CACNG6: variants seen among roughly 807,000 people sequenced by gnomAD.
CACNG6 encodes voltage-dependent calcium channel gamma-6 subunit.
Under a neutral mutation model 23.9 loss-of-function variants are expected in CACNG6, and 21 were observed. The ratio of observed to expected loss-of-function variants is 0.88; its 90% CI spans 0.62 to 1.26. The LOEUF is 1.26. Among genes scored for constraint, CACNG6 ranks in the 50% most tolerant of loss-of-function variants. The pLI, the probability that CACNG6 is intolerant of heterozygous loss-of-function variation, is 0.00. For missense variants in CACNG6, 340 were observed against 352.9 expected (o/e 0.96, Z 0.29); for synonymous variants, 182 against 168.9 (o/e 1.08, Z -0.60).
At position 54,012,320 on chromosome 19, in the gene CACNG6, C is replaced by T. The variant is rs1193281009; in HGVS notation, c.*131C>T. On this transcript the variant is annotated 3_prime_UTR_variant, in exon 4 of 4. Coordinates refer to ENST00000252729, the MANE Select transcript of CACNG6 (RefSeq NM_145814.2). ...GCTCGGGGGCCCATGTTTTTTTACACGCCTGCCTCCTGTCCCCTTATCCTT... is the reference window on the plus strand; with the variant it reads ...GCTCGGGGGCCCATGTTTTTTTACATGCCTGCCTCCTGTCCCCTTATCCTT... 4 of 480,470 alleles carry T rather than the reference C, an allele frequency of 8.3e-6. No individual in the cohort carries two copies. In the South Asian group the frequency reaches 1.6e-4, roughly 19 times the overall value. The allele number at this position is 480,470 out of a possible 1,614,324, so 29.8% of individuals were successfully genotyped here. A position where few individuals can be genotyped will look rare whatever the true frequency, so the allele number is the denominator to read the frequency against.
In CACNG6 at chr19:53,999,513, A is replaced by G. The variant is rs2069553744; in HGVS notation, c.407-121A>G. On this transcript the variant is annotated intron_variant, in intron 2 of 3. Transcript: ENST00000252729. Reference sequence around the variant, plus strand: ...AAAATGTTGGGCTGGATGATACTCTACTTGAAAATTCTTCTCTCGTCCCGA... The same window carrying G: ...AAAATGTTGGGCTGGATGATACTCTGCTTGAAAATTCTTCTCTCGTCCCGA... 6.3e-6 allele frequency: 7 copies of G among 1,119,458 alleles called. No homozygotes were observed. In the Admixed American group the frequency reaches 1.5e-4, roughly 24 times the overall value. 69.3% of individuals were successfully genotyped at this position (1,119,458 alleles called of 1,614,324 possible). A position where few individuals can be genotyped will look rare whatever the true frequency, so the allele number is the denominator to read the frequency against.
At chr19:53,996,972 G>A (rs1044868476) in intron 1 of CACNG6, among the ~76,000 whole-genome samples, 1 of 150,298 alleles carries the variant, frequency 6.7e-6, no homozygotes, top group South Asian at 2.1e-4. Flanking sequence ...AGGCTGAAGG[G>A]ATCCTCTTGC....
At chr19:54,005,672 G>C (rs287140) in intron 3 of CACNG6, among the ~76,000 whole-genome samples, 17,129 of 151,218 alleles carry the variant, frequency 0.11, 2,272 homozygotes, top group African/African-American at 0.32. Context: ...GGAATCACTT[G>C]AATTCAAGAG....
chr19:53,994,639 A>G (rs1162930225), intron 1 of CACNG6, among the ~76,000 whole-genome samples: 2 of 152,146 alleles, frequency 1.3e-5, no homozygotes, highest in Non-Finnish European at 2.9e-5. Context: ...CGGTCCTATC[A>G]TCCCAGTGCC....
At chr19:54,010,260 C>T (rs1228493245) in intron 3 of CACNG6, among the ~76,000 whole-genome samples, 1 of 151,874 alleles carries the variant, frequency 6.6e-6, no homozygotes, top group Non-Finnish European at 1.5e-5. Flanking sequence ...GTGATCCACC[C>T]GCCTCGGCCT....
At chr19:54,008,231 TAGTCCC>T (rs1164024856) in intron 3 of CACNG6, among the ~76,000 whole-genome samples, 2 of 152,000 alleles carry the variant, frequency 1.3e-5, no homozygotes, top group Non-Finnish European at 2.9e-5. Context: ...CAAGAGCCTG[TAGTCCC>T]AGCTACTCAA....
chr19:54,005,013 C>T lies in CACNG6; in HGVS notation c.544+5242C>T, dbSNP rs563331909. On this transcript the variant is annotated intron_variant, in intron 3 of 3. Coordinates refer to ENST00000252729, the MANE Select transcript of CACNG6 (RefSeq NM_145814.2). Reference sequence around the variant, plus strand: ...GCTCACAAGATCAGGAGTTGGAGACCAGCCTGACTACCATGGTGAAACCCT... The same window carrying T: ...GCTCACAAGATCAGGAGTTGGAGACTAGCCTGACTACCATGGTGAAACCCT... 8.9e-4 allele frequency among the ~76,000 whole-genome samples: 134 copies of T among 150,656 alleles called. 1 individual carries two copies. The highest frequency in any genetic ancestry group is 1.4e-3 in the Non-Finnish European group (97 of 67,772).
chr19:54,008,842 G>T (rs749957277), intron 3 of CACNG6, among the ~76,000 whole-genome samples: 1 of 152,048 alleles, frequency 6.6e-6, no homozygotes, highest in Non-Finnish European at 1.5e-5. Context: ...AGATTATCTT[G>T]TCTCCTCATT....
chr19:54,011,437 A>G (rs964815397), intron 3 of CACNG6, among the ~76,000 whole-genome samples: 4 of 147,394 alleles, frequency 2.7e-5, no homozygotes, highest in Admixed American at 6.8e-5. Flanking sequence ...TCTCAAAAAA[A>G]AAAAAAAAAA....
rs989035958 is a variant in CACNG6 at position 54,012,282 on chromosome 19, C to T, written c.*93C>T. 2 of 549,488 alleles carry T rather than the reference C, an allele frequency of 3.6e-6. No homozygotes were observed. The highest frequency in any genetic ancestry group is 6.2e-5 in the Admixed American group (2 of 32,244). The allele number at this position is 549,488 out of a possible 1,614,324, so 34.0% of individuals were successfully genotyped here. On this transcript the variant is annotated 3_prime_UTR_variant, in exon 4 of 4. Transcript: ENST00000252729. The stretch of plus-strand genomic sequence containing the variant: ...CTTTTTGCCCCATCTCCTAGAGAAA[C>T]TGTGTTCTCCCTGCTCGGGGGCCCA...
intron 1 of CACNG6, among the ~76,000 whole-genome samples, chr19:53,997,659 C>T (rs891840006): frequency 1.3e-5 from 2 of 152,148 alleles, no homozygotes; most frequent in Non-Finnish European, 2.9e-5. Flanking sequence ...TCTCTCTGAT[C>T]CCTGGTGAAG....
chr19:54,000,351 G>A (rs1447077495), intron 3 of CACNG6, among the ~76,000 whole-genome samples: 1 of 152,138 alleles, frequency 6.6e-6, no homozygotes, highest in South Asian at 2.1e-4. Flanking sequence ...AGGTGGAAGA[G>A]TTCCAAGCCC....
At chr19:53,996,554 G>T (rs559015507) in intron 1 of CACNG6, among the ~76,000 whole-genome samples, 2 of 151,462 alleles carry the variant, frequency 1.3e-5, no homozygotes, top group Middle Eastern at 3.2e-3. Flanking sequence ...CACCACTCCC[G>T]GCTAATTTTT....
chr19:54,005,707 C>T (rs964949015), intron 3 of CACNG6, among the ~76,000 whole-genome samples: 3 of 145,354 alleles, frequency 2.1e-5, no homozygotes, highest in African/African-American at 7.5e-5. Flanking sequence ...GAGCCAAGAT[C>T]GCGCCACTGC....
At chr19:53,995,094 C>T (rs1247972590) in intron 1 of CACNG6, among the ~76,000 whole-genome samples, 1 of 136,672 alleles carries the variant, frequency 7.3e-6, no homozygotes, top group Non-Finnish European at 1.6e-5. Flanking sequence ...GTCTATGCAC[C>T]CAGGCTAGTT....
intron 3 of CACNG6, among the ~76,000 whole-genome samples, chr19:54,002,861 C>T (rs954147994): frequency 1.9e-4 from 29 of 152,192 alleles, no homozygotes; most frequent in African/African-American, 5.8e-4. Flanking sequence ...AATAAAGGGT[C>T]GTGTTCAGGT....
chr19:54,011,205 A>AAAAAAAAAAATATAT (rs58054808), intron 3 of CACNG6, among the ~76,000 whole-genome samples: 2 of 102,546 alleles, frequency 2.0e-5, no homozygotes, highest in African/African-American at 9.9e-5. Context: ...AAAAAAAAAA[A>AAAAAAAAAAATATAT]ATATATATAT....
chr19:53,993,018 C>G lies in CACNG6; in HGVS notation c.141C>G (p.Ala47=). 1 of 1,465,816 alleles carries G rather than the reference C, an allele frequency of 6.8e-7. No individual in the cohort carries two copies. The highest frequency in any genetic ancestry group is 9.0e-7 in the Non-Finnish European group (1 of 1,109,560). 90.8% of individuals were successfully genotyped at this position (1,465,816 alleles called of 1,614,324 possible). ...TGAAGCTGGCGCTGCTGCTGGCCGC[C>G]GTGGGCGCCACGCTGGCGGTGCTGT... ...GKVKLALLLA[A]VGATLAVLSV... Residue 47 remains alanine, a synonymous_variant, in exon 1 of 4, where the codon GCC becomes GCG. Coordinates refer to ENST00000252729, the MANE Select transcript of CACNG6 (RefSeq NM_145814.2).
Position 53,999,711 on chromosome 19 carries a change from G to A in CACNG6, c.484G>A (p.Val162Met), listed in dbSNP as rs1475086965. ...CTTGGGGTGCCTCTGTATCATCATG[G>A]TGCTCAGTAAAGGTGCAGAGTTCCT... ...MALGCLCIIM[V>M]LSKGAEFLLR... Residue 162 changes from valine to methionine, a missense_variant, in exon 3 of 4, where the codon GTG (valine) becomes ATG (methionine). Coordinates refer to ENST00000252729, the MANE Select transcript of CACNG6 (RefSeq NM_145814.2). 6.2e-7 allele frequency: 1 copy of A among 1,613,992 alleles called. No individual in the cohort carries two copies. The highest frequency in any genetic ancestry group is 8.5e-7 in the Non-Finnish European group (1 of 1,180,050).
Sources: allele counts gnomAD v4.1 joint callset (sites outside exome capture counted in the v4.1 genomes callset), GRCh38; gene constraint gnomAD v4.1.1; transcripts MANE v1.5; gene names NCBI Gene and HGNC (gene_info 2026-07-23, HGNC 2026-07-21).